The following MYO18B variants were observed in gnomAD, a reference collection of about 807,000 sequenced individuals.
The protein encoded by MYO18B is unconventional myosin-XVIIIb.
In MYO18B, 204 loss-of-function variants were observed where a neutral mutation model predicts 273.0. The observed-to-expected ratio is 0.75, with a 90% CI of 0.67 to 0.84. The LOEUF is 0.84. MYO18B is among the 40% of genes least tolerant of loss of function. The pLI is 0.00. For missense variants in MYO18B, 3,212 were observed against 3,287.6 expected (o/e 0.98, Z 0.56); for synonymous variants, 1,330 against 1,305.7 (o/e 1.02, Z -0.40).
At chr22:25,772,956 A>T (rs3859869) in intron 7 of MYO18B, among the ~76,000 whole-genome samples, 1 of 152,068 alleles carries the variant, frequency 6.6e-6, no homozygotes, top group Non-Finnish European at 1.5e-5. Context: ...AAAACCCAGG[A>T]TACAGGGCTC....
intron 40 of MYO18B, among the ~76,000 whole-genome samples, chr22:25,995,192 G>C (rs1166473093): frequency 6.6e-6 from 1 of 152,194 alleles, no homozygotes. Context: ...GACACAGAAA[G>C]AGAAACATCG....
intron 31 of MYO18B, 94 bp from the exon 32 acceptor site, chr22:25,908,228 A>C: frequency 1.0e-6 from 1 of 999,164 alleles, no homozygotes; most frequent in Non-Finnish European, 1.5e-6. Context: ...GTATTCCAAA[A>C]ATGAGAAATG....
chr22:25,770,027 A>G (rs1477263445), intron 4 of MYO18B, 83 bp from the exon 5 acceptor site: 1 of 1,391,080 alleles, frequency 7.2e-7, no homozygotes, highest in South Asian at 1.2e-5. Flanking sequence ...GCTCCAGAGC[A>G]CACTGTGAGA....
chr22:25,823,546 G>A lies in MYO18B; in HGVS notation c.2563G>A (p.Ala855Thr), dbSNP rs778788811. 9 of 1,613,850 alleles carry A rather than the reference G, an allele frequency of 5.6e-6. No homozygotes were observed. The highest frequency in any genetic ancestry group is 2.2e-5 in the East Asian group (1 of 44,872). The change falls in exon 13 of 44, where the codon GCA becomes ACA. Residue 855 changes from alanine to threonine, a missense_variant. Transcript: ENST00000335473. ...CATGAGGTTTGAGTGGGCAAACTAC[G>A]CAGCTGAGGCCCTGGGCTGCGAGTA... ...QFMRFEWANY[A>T]AEALGCEYEE...
intron 22 of MYO18B, among the ~76,000 whole-genome samples, chr22:25,869,863 C>T (rs948065909): frequency 2.6e-5 from 4 of 152,210 alleles, no homozygotes; most frequent in Admixed American, 6.5e-5. Context: ...CCTGTTATTC[C>T]GCTGTGATCT....
At chr22:26,014,013 A>G (rs1302631730) in intron 42 of MYO18B, among the ~76,000 whole-genome samples, 1 of 152,188 alleles carries the variant, frequency 6.6e-6, no homozygotes, top group African/African-American at 2.4e-5. Context: ...AATGTAACCC[A>G]GTTTATAATG....
chr22:25,902,913 G>A, intron 30 of MYO18B, 177 bp downstream of exon 30: 3 of 657,826 alleles, frequency 4.6e-6, no homozygotes, highest in South Asian at 2.0e-5. Context: ...CTGGTAAATT[G>A]ATAATCAGAC....
At chr22:26,056,695 G>A in the MYO18B span, among the ~76,000 whole-genome samples, 3 of 152,118 alleles carry the variant, frequency 2.0e-5, no homozygotes, top group East Asian at 3.9e-4. Flanking sequence ...TGTCTTGCCC[G>A]ACCCCTGCAG....
chr22:26,036,822 TAA>T, the MYO18B span, among the ~76,000 whole-genome samples: 1 of 152,174 alleles, frequency 6.6e-6, no homozygotes, highest in Admixed American at 6.5e-5. Flanking sequence ...TCACCCTTGG[TAA>T]AGTGAGTCAG....
downstream of MYO18B, among the ~76,000 whole-genome samples, chr22:26,033,987 C>G (rs964531649): frequency 2.0e-5 from 3 of 149,306 alleles, no homozygotes; most frequent in African/African-American, 7.4e-5. Flanking sequence ...GGGTTTTGCT[C>G]TTGTCACCCA....
At chr22:25,778,253 G>T (rs548213720) in intron 8 of MYO18B, among the ~76,000 whole-genome samples, 1 of 149,970 alleles carries the variant, frequency 6.7e-6, no homozygotes, top group African/African-American at 2.5e-5. Context: ...CTGTACCTAC[G>T]TTCAAAACTT....
Position 25,826,470 on chromosome 22 carries a change from C to A in MYO18B, c.2757C>A (p.Leu919=), listed in dbSNP as rs565965386. ...TGGCCTCGGGCCTGTACCAGGAACT[C>A]TTTGCGGCTGTGGTCTCACTCATCA... The part of the protein sequence containing the change: ...EGMASGLYQE[L]FAAVVSLINR... Residue 919 remains leucine, a synonymous_variant, in exon 14 of 44, where the codon CTC becomes CTA. Coordinates refer to ENST00000335473, the MANE Select transcript of MYO18B (RefSeq NM_032608.7). 1.2e-6 allele frequency: 2 copies of A among 1,613,720 alleles called. No individual in the cohort carries two copies. The highest frequency in any genetic ancestry group is 1.3e-5 in the African/African-American group (1 of 74,934).
At chr22:25,881,137 C>T (rs2091321925) in intron 25 of MYO18B, among the ~76,000 whole-genome samples, 1 of 152,250 alleles carries the variant, frequency 6.6e-6, no homozygotes, top group Non-Finnish European at 1.5e-5. Context: ...TGAGATGGCT[C>T]ATGTGGGGAT....
chr22:25,876,060 A>C, intron 23 of MYO18B, 129 bp from the exon 24 acceptor site: 3 of 703,666 alleles, frequency 4.3e-6, no homozygotes, highest in East Asian at 3.0e-5. Flanking sequence ...GTTTTAAGGT[A>C]TCCAGTCCCT....
intron 40 of MYO18B, among the ~76,000 whole-genome samples, chr22:26,000,971 A>T (rs778950976): frequency 6.9e-5 from 8 of 116,672 alleles, no homozygotes; most frequent in Non-Finnish European, 1.4e-4. Flanking sequence ...CATCTTTTTT[A>T]TTTGTCCTTG....
At chr22:25,786,805 A>C (rs1335766821) in intron 11 of MYO18B, among the ~76,000 whole-genome samples, 1 of 152,258 alleles carries the variant, frequency 6.6e-6, no homozygotes, top group African/African-American at 2.4e-5. Context: ...CTAGAATATA[A>C]AAGTAATTCT....
At position 25,877,941 on chromosome 22, in the gene MYO18B, A is replaced by G; in HGVS notation, c.4225-18A>G. 6.4e-7 allele frequency: 1 copy of G among 1,559,166 alleles called. No individual in the cohort carries two copies. Among genetic ancestry groups the G allele is most frequent in the Non-Finnish European group, 8.7e-7 (1 of 1,150,526 alleles). ...CTCTGGCCTGGAATGGTTTCTGTTC[A>G]TGTGTTTGTTTTTGTAGGAGGAGCT... On this transcript the variant is annotated intron_variant, in intron 24 of 43. Coordinates refer to ENST00000335473, the MANE Select transcript of MYO18B (RefSeq NM_032608.7).
chr22:25,943,480 A>G (rs2092668296), intron 34 of MYO18B, among the ~76,000 whole-genome samples: 2 of 152,130 alleles, frequency 1.3e-5, no homozygotes, highest in South Asian at 4.2e-4. Context: ...AATAAAATCT[A>G]AGCTTTGTAG....
intron 39 of MYO18B, among the ~76,000 whole-genome samples, chr22:25,988,037 C>A (rs2093220801): frequency 6.6e-6 from 1 of 152,078 alleles, no homozygotes; most frequent in African/African-American, 2.4e-5. Flanking sequence ...CACACAACCC[C>A]ATTTTCATGG....
Sources: allele counts gnomAD v4.1 joint callset (sites outside exome capture counted in the v4.1 genomes callset), GRCh38; gene constraint gnomAD v4.1.1; transcripts MANE v1.5; gene names NCBI Gene and HGNC (gene_info 2026-07-23, HGNC 2026-07-21).